The following LHFPL6 variants were observed in gnomAD, a reference collection of about 807,000 sequenced individuals.
The protein encoded by LHFPL6 is LHFPL tetraspan subfamily member 6, also known as LHFPL tetraspan subfamily member 6 protein.
A neutral mutation model predicts 20.6 loss-of-function variants in LHFPL6; 9 were observed. The observed-to-expected ratio is 0.44, with a 90% CI of 0.26 to 0.76. The LOEUF is 0.76. Among genes scored for constraint, LHFPL6 ranks in the 30% least tolerant of loss-of-function variants. LHFPL6 has a pLI of 0.20. For synonymous variants in LHFPL6, 105 were observed against 98.7 expected (o/e 1.06, Z -0.38); for missense variants, 218 against 253.5 (o/e 0.86, Z 0.95).
At chr13:39,590,725 A>G (rs1202520987) in intron 2 of LHFPL6, among the ~76,000 whole-genome samples, 1 of 152,242 alleles carries the variant, frequency 6.6e-6, no homozygotes, top group Non-Finnish European at 1.5e-5. Context: ...ATGATATGAT[A>G]CACAGAATGA....
At chr13:39,567,183 T>C (rs534706971) in intron 2 of LHFPL6, among the ~76,000 whole-genome samples, 1 of 152,234 alleles carries the variant, frequency 6.6e-6, no homozygotes, top group South Asian at 2.1e-4. Context: ...CAGGAACACA[T>C]CCTTGTTTCT....
intron 3 of LHFPL6, among the ~76,000 whole-genome samples, chr13:39,354,905 A>G (rs1180683933): frequency 6.6e-6 from 1 of 151,946 alleles, no homozygotes; most frequent in African/African-American, 2.4e-5. Flanking sequence ...ATATGGGACT[A>G]TGGAAAGAGG....
chr13:39,433,743 C>CA (rs1405411927), intron 2 of LHFPL6, among the ~76,000 whole-genome samples: 2 of 152,170 alleles, frequency 1.3e-5, no homozygotes, highest in African/African-American at 4.8e-5. Context: ...GATTGCTGCT[C>CA]AAAGCTGTCA....
rs1213690545 is a variant in LHFPL6, at chr13:39,461,243, G to A, written c.386-82717C>T. On this transcript the variant is annotated intron_variant, in intron 2 of 3. Coordinates refer to ENST00000379589, the MANE Select transcript of LHFPL6 (RefSeq NM_005780.3). The stretch of plus-strand genomic sequence containing the variant: ...TTCTTTATCTAGGGTACCACTGATG[G>A]GCATTTAGGTTGATTCCATGTCTTT... Among the ~76,000 whole-genome samples, 3 of 152,118 alleles carry A rather than the reference G, an allele frequency of 2.0e-5. No homozygotes were observed. In the East Asian group the frequency reaches 5.8e-4, roughly 29 times the overall value.
chr13:39,516,052 C>T (rs973651630), intron 2 of LHFPL6, among the ~76,000 whole-genome samples: 2 of 152,106 alleles, frequency 1.3e-5, no homozygotes, highest in Admixed American at 1.3e-4. Flanking sequence ...TGCATTCTAG[C>T]ATATCCTATA....
chr13:39,591,965 A>T (rs927937710), intron 2 of LHFPL6, among the ~76,000 whole-genome samples: 20 of 152,024 alleles, frequency 1.3e-4, no homozygotes, highest in African/African-American at 4.8e-4. Flanking sequence ...GCATGATGGC[A>T]GGCGCCTGTA....
intron 2 of LHFPL6, among the ~76,000 whole-genome samples, chr13:39,480,205 T>C (rs1868456430): frequency 6.6e-6 from 1 of 152,166 alleles, no homozygotes; most frequent in Non-Finnish European, 1.5e-5. Flanking sequence ...AAGAAAACAA[T>C]CTGAACCTAG....
At chr13:39,439,753 C>T (rs1280903666) in intron 2 of LHFPL6, among the ~76,000 whole-genome samples, 2 of 152,020 alleles carry the variant, frequency 1.3e-5, no homozygotes, top group African/African-American at 2.4e-5. Context: ...AGCACCTCCC[C>T]ACTCTCTCTC....
intron 2 of LHFPL6, among the ~76,000 whole-genome samples, chr13:39,570,360 G>A (rs145099191): frequency 1.4e-3 from 211 of 152,142 alleles, no homozygotes; most frequent in African/African-American, 4.9e-3. Flanking sequence ...GGCCAGGTTG[G>A]TCTCAAACTC....
At chr13:39,415,048 T>A (rs1871314880) in intron 2 of LHFPL6, among the ~76,000 whole-genome samples, 3 of 152,242 alleles carry the variant, frequency 2.0e-5, no homozygotes, top group Non-Finnish European at 2.9e-5. Context: ...CTAACCCGTC[T>A]GTGGCACATG....
intron 2 of LHFPL6, among the ~76,000 whole-genome samples, chr13:39,459,431 C>T (rs7997300): frequency 0.023 from 3,544 of 152,030 alleles, 140 homozygotes; most frequent in African/African-American, 0.08. Context: ...GCAGGCTGAT[C>T]ACTGTGCCAG....
intron 2 of LHFPL6, among the ~76,000 whole-genome samples, chr13:39,475,876 C>T (rs1190515960): frequency 6.6e-6 from 1 of 152,142 alleles, no homozygotes; most frequent in Non-Finnish European, 1.5e-5. Flanking sequence ...ATGTGTAGCA[C>T]TGTAGCTGGC....
intron 2 of LHFPL6, among the ~76,000 whole-genome samples, chr13:39,539,042 C>T (rs1870713564): frequency 2.6e-5 from 4 of 152,138 alleles, no homozygotes; most frequent in Admixed American, 1.3e-4. Context: ...ATGTGCATGG[C>T]TGTGTTTCAG....
At chr13:39,590,383 T>G (rs935421001) in intron 2 of LHFPL6, among the ~76,000 whole-genome samples, 4 of 152,202 alleles carry the variant, frequency 2.6e-5, no homozygotes, top group African/African-American at 7.2e-5. Flanking sequence ...CAAAACCAAG[T>G]GCTTCTCAAA....
At chr13:39,582,922 T>G (rs1872332291) in intron 2 of LHFPL6, among the ~76,000 whole-genome samples, 1 of 152,142 alleles carries the variant, frequency 6.6e-6, no homozygotes, top group Non-Finnish European at 1.5e-5. Flanking sequence ...TGAACTGGGT[T>G]AAAAGTATAT....
chr13:39,523,482 T>C (rs754514120), intron 2 of LHFPL6, among the ~76,000 whole-genome samples: 2 of 144,040 alleles, frequency 1.4e-5, no homozygotes, highest in African/African-American at 2.6e-5. Context: ...GGCAGGAGAA[T>C]GGCGTGAACC....
intron 2 of LHFPL6, among the ~76,000 whole-genome samples, chr13:39,383,984 T>C (rs1870502638): frequency 6.6e-6 from 1 of 152,200 alleles, no homozygotes; most frequent in Admixed American, 6.5e-5. Flanking sequence ...TTCTCTGACC[T>C]TCACTTTCTC....
chr13:39,467,579 C>T (rs1330251558), intron 2 of LHFPL6, among the ~76,000 whole-genome samples: 1 of 152,102 alleles, frequency 6.6e-6, no homozygotes, highest in Non-Finnish European at 1.5e-5. Flanking sequence ...CCTTATCTAC[C>T]TGGAAACTAG....
chr13:39,375,833 CA>C (rs1489789857), intron 3 of LHFPL6, among the ~76,000 whole-genome samples: 1 of 151,518 alleles, frequency 6.6e-6, no homozygotes, highest in Non-Finnish European at 1.5e-5. Context: ...TGATAAACCC[CA>C]AAAAACTTAT....
Sources: allele counts gnomAD v4.1 joint callset (sites outside exome capture counted in the v4.1 genomes callset), GRCh38; gene constraint gnomAD v4.1.1; transcripts MANE v1.5; gene names NCBI Gene and HGNC (gene_info 2026-07-23, HGNC 2026-07-21).